CSMD3: variants seen among roughly 807,000 people sequenced by gnomAD.
CSMD3 encodes CUB and sushi domain-containing protein 3.
A neutral mutation model predicts 435.2 loss-of-function variants in CSMD3; 177 were observed. The observed-to-expected ratio is 0.41, with a 90% CI of 0.36 to 0.46. CSMD3 has a LOEUF of 0.46. CSMD3 is among the 20% of genes least tolerant of loss of function. CSMD3 has a pLI of 0.34. For synonymous variants in CSMD3, 1,656 were observed against 1,520.5 expected (o/e 1.09, Z -2.07); for missense variants, 4,265 against 4,504.6 (o/e 0.95, Z 1.52).
chr8:113,261,153 T>C (rs1262818216), intron 3 of CSMD3, among the ~76,000 whole-genome samples: 1 of 152,110 alleles, frequency 6.6e-6, no homozygotes, highest in African/African-American at 2.4e-5. Flanking sequence ...TATATACAGA[T>C]TGGTCCATAG....
chr8:112,386,093 C>A (rs181252059), intron 36 of CSMD3, among the ~76,000 whole-genome samples: 59 of 152,254 alleles, frequency 3.9e-4, no homozygotes, highest in African/African-American at 1.3e-3. Context: ...CAAATGCCAG[C>A]AGCCACTAGA....
intron 50 of CSMD3, among the ~76,000 whole-genome samples, chr8:112,309,663 T>C (rs1821775303): frequency 6.6e-6 from 1 of 152,112 alleles, no homozygotes; most frequent in South Asian, 2.1e-4. Flanking sequence ...ATTAAGGTAA[T>C]GGTGCTTCCC....
At chr8:112,777,966 A>T (rs1246695877) in intron 13 of CSMD3, among the ~76,000 whole-genome samples, 1 of 151,894 alleles carries the variant, frequency 6.6e-6, no homozygotes, top group Non-Finnish European at 1.5e-5. Flanking sequence ...AAGCTTTCCA[A>T]TGCTTCTACT....
intron 38 of CSMD3, among the ~76,000 whole-genome samples, chr8:112,364,083 G>T (rs1211572471): frequency 6.6e-6 from 1 of 151,976 alleles, no homozygotes; most frequent in Non-Finnish European, 1.5e-5. Flanking sequence ...AAGAACTAAT[G>T]CATTATCTCT....
intron 3 of CSMD3, among the ~76,000 whole-genome samples, chr8:113,247,193 T>C (rs953267410): frequency 6.6e-6 from 1 of 152,206 alleles, no homozygotes; most frequent in African/African-American, 2.4e-5. Flanking sequence ...AGCCACTATG[T>C]TAAACAACTA....
At chr8:112,772,672 C>G (rs527496217) in intron 13 of CSMD3, among the ~76,000 whole-genome samples, 1 of 152,144 alleles carries the variant, frequency 6.6e-6, no homozygotes, top group East Asian at 1.9e-4. Context: ...AGGCATCTGT[C>G]TCCTGCTAGT....
chr8:113,091,335 A>G (rs1485624321), intron 5 of CSMD3, among the ~76,000 whole-genome samples: 1 of 152,064 alleles, frequency 6.6e-6, no homozygotes, highest in Non-Finnish European at 1.5e-5. Context: ...AATAGTTTGA[A>G]TAGTATTAGC....
chr8:112,433,710 A>T (rs371253276), intron 32 of CSMD3, among the ~76,000 whole-genome samples: 12 of 151,726 alleles, frequency 7.9e-5, no homozygotes, highest in African/African-American at 2.9e-4. Context: ...GAAGAAAAAA[A>T]CCTACAACAA....
intron 32 of CSMD3, among the ~76,000 whole-genome samples, chr8:112,421,532 G>C (rs1812496065): frequency 7.2e-6 from 1 of 139,828 alleles, no homozygotes; most frequent in Non-Finnish European, 1.5e-5. Flanking sequence ...TGATAGAGGA[G>C]GACCCCCTGT....
intron 1 of CSMD3, among the ~76,000 whole-genome samples, chr8:113,363,007 A>T (rs2094287369): frequency 6.6e-6 from 1 of 152,140 alleles, no homozygotes; most frequent in African/African-American, 2.4e-5. Flanking sequence ...CAGAATACTG[A>T]CCTTCTGCTA....
chr8:112,897,690 CTCTCTGTGTGTGTGTGTG>C (rs2081989587), intron 10 of CSMD3, among the ~76,000 whole-genome samples: 1 of 125,090 alleles, frequency 8.0e-6, no homozygotes, highest in Non-Finnish European at 1.7e-5. Context: ...CTCTCTCTCT[CTCTCTGTGTGTGTGTGTG>C]TGTGTGTGTG....
At chr8:112,735,194 T>G (rs2077160434) in intron 13 of CSMD3, among the ~76,000 whole-genome samples, 1 of 152,084 alleles carries the variant, frequency 6.6e-6, no homozygotes, top group Non-Finnish European at 1.5e-5. Context: ...TCTGGCTTGT[T>G]CTGTATATAG....
intron 13 of CSMD3, among the ~76,000 whole-genome samples, chr8:112,752,733 A>G (rs7817557): frequency 0.014 from 2,098 of 152,322 alleles, 48 homozygotes; most frequent in African/African-American, 0.048. Flanking sequence ...TTTAGTCAAT[A>G]TATATTCTCT....
intron 26 of CSMD3, 22 bp from the exon 27 acceptor site, chr8:112,550,895 CTG>C: frequency 6.4e-7 from 1 of 1,555,528 alleles, no homozygotes; most frequent in Non-Finnish European, 8.9e-7. Flanking sequence ...CCATATTTCT[CTG>C]ATTATTTTAA....
chr8:112,446,541 C>T (rs551789540), intron 32 of CSMD3, among the ~76,000 whole-genome samples: 1 of 152,256 alleles, frequency 6.6e-6, no homozygotes, highest in East Asian at 1.9e-4. Context: ...AGCATTCAGT[C>T]CTATTTACAA....
chr8:113,116,689 G>T (rs919732406), intron 4 of CSMD3, among the ~76,000 whole-genome samples: 4 of 152,142 alleles, frequency 2.6e-5, no homozygotes, highest in Admixed American at 2.0e-4. Flanking sequence ...TAGAGACTTA[G>T]AGAGGGCTCA....
chr8:112,489,731 A>G (rs1004524537), intron 31 of CSMD3, among the ~76,000 whole-genome samples: 1 of 152,190 alleles, frequency 6.6e-6, no homozygotes, highest in Non-Finnish European at 1.5e-5. Flanking sequence ...ATCTAGCTCT[A>G]AAACAGGATT....
chr8:112,579,353 C>G (rs549689268), intron 23 of CSMD3, among the ~76,000 whole-genome samples: 1 of 151,966 alleles, frequency 6.6e-6, no homozygotes, highest in East Asian at 1.9e-4. Flanking sequence ...AGTGTAAATA[C>G]TCCCATTGGC....
rs148075515 is a variant in CSMD3 at position 112,930,296 on chromosome 8, A to G, written c.1509-8545T>C. Among the ~76,000 whole-genome samples the G allele has an allele frequency of 2.8e-3, 425 of 152,222 alleles. 1 individual carries two copies. The highest frequency in any genetic ancestry group is 6.8e-3 in the Middle Eastern group (2 of 294). On this transcript the variant is annotated intron_variant, in intron 9 of 70. Transcript: ENST00000297405. ...CTATCAGACAGCAATAAACTAAATA[A>G]TGTAATGAAGATAAACCTATTTGTA...
Sources: allele counts gnomAD v4.1 joint callset (sites outside exome capture counted in the v4.1 genomes callset), GRCh38; gene constraint gnomAD v4.1.1; transcripts MANE v1.5; gene names NCBI Gene and HGNC (gene_info 2026-07-23, HGNC 2026-07-21).